Variants in MDN1 observed in about 807,000 individuals in gnomAD.
MDN1 encodes the protein midasin.
MDN1 carries 266 observed loss-of-function variants against 669.2 expected under a neutral mutation model. That is an observed-to-expected ratio of 0.40 (90% CI 0.36 to 0.44). The LOEUF is 0.44. MDN1 is among the 20% of genes least tolerant of loss of function. The pLI is 1.00. For missense variants in MDN1, 5,940 were observed against 6,754.0 expected, an observed-to-expected ratio of 0.88 and a Z score of 4.22; for synonymous variants, 2,385 against 2,457.1, an observed-to-expected ratio of 0.97 and a Z score of 0.87.
Position 89,690,707 on chromosome 6 carries a change from C to G in MDN1, c.10715G>C (p.Arg3572Pro). Reference protein sequence around the residue: ...TALSEEEEEEREFRKQFPLHE... With the variant: ...TALSEEEEEEPEFRKQFPLHE... ...CAGGGGGAACTGTTTTCTGAACTCC[C>G]GTTCTTCCTCCTCCTCTTCACTCAG... is the stretch of plus-strand genomic sequence containing the variant. Residue 3572 changes from arginine (R) to proline (P), a missense_variant, in exon 64 of 102, where the codon CGG (arginine) becomes CCG (proline). Arg to Pro is a moderately radical substitution (Grantham distance 103). Coordinates refer to ENST00000369393, the MANE Select transcript of MDN1 (RefSeq NM_014611.3). The G allele has an allele frequency of 6.2e-7, 1 of 1,614,110 alleles. No homozygotes were observed. Among genetic ancestry groups the G allele is most frequent in the Non-Finnish European group, 8.5e-7 (1 of 1,180,002 alleles).
rs1818367900 is a variant in MDN1 at position 89,776,600 on chromosome 6, CT to C, written c.1820del (p.Lys607ArgfsTer14). ...IGSKLNISRK[K>X]AEFFCQLYKP... ...GGAAGTAAAAAAACAGCACACATAC[CT>C]TTTTTCTAGAAATGTTCAATTTGCT... On this transcript the variant is annotated frameshift_variant and splice_region_variant, in exon 12 of 102. Coordinates refer to ENST00000369393, the MANE Select transcript of MDN1 (RefSeq NM_014611.3). LOFTEE classifies it high-confidence loss of function. The C allele has an allele frequency of 6.2e-7, 1 of 1,604,212 alleles. No homozygotes were observed. Among genetic ancestry groups the C allele is most frequent in the South Asian group, 1.1e-5 (1 of 90,168 alleles).
intron 90 of MDN1, among the ~76,000 whole-genome samples, chr6:89,657,105 TTCA>T (rs1213520529): frequency 6.6e-6 from 1 of 152,230 alleles, no homozygotes; most frequent in Non-Finnish European, 1.5e-5. Context: ...GAAACCAGGC[TTCA>T]TCATCAACCA....
At chr6:89,685,762 G>T in intron 70 of MDN1, 65 bp downstream of exon 70, 1 of 1,560,144 alleles carries the variant, frequency 6.4e-7, no homozygotes, top group Non-Finnish European at 8.7e-7. Context: ...GTCTCATGCA[G>T]AGAATTCAAA....
chr6:89,666,712 A>G (rs1048827032), intron 84 of MDN1, among the ~76,000 whole-genome samples: 9 of 152,160 alleles, frequency 5.9e-5, no homozygotes, highest in Non-Finnish European at 1.2e-4. Flanking sequence ...TCAAGAGGCT[A>G]ATGCAGGAGG....
At chr6:89,798,350 TAA>T (rs1819726617) in intron 2 of MDN1, among the ~76,000 whole-genome samples, 1 of 151,440 alleles carries the variant, frequency 6.6e-6, no homozygotes, top group African/African-American at 2.4e-5. Flanking sequence ...CCGTCTCTAC[TAA>T]AAAGACAAAA....
chr6:89,814,195 C>T lies in MDN1; in HGVS notation c.102+5311G>A, dbSNP rs139178776. On this transcript the variant is annotated intron_variant, in intron 1 of 101. Transcript: ENST00000369393. The stretch of plus-strand genomic sequence containing the variant: ...ACCTGAAACACTAGTTCAGGCCATG[C>T]TGGGAATGGGTGGTCAGACACGCCT... 1.4e-4 allele frequency among the ~76,000 whole-genome samples: 21 copies of T among 152,236 alleles called. No homozygotes were observed. The East Asian group carries it at 4.0e-3, about 29-fold the overall frequency.
chr6:89,719,237 A>T lies in MDN1; in HGVS notation c.5968-12T>A. The T allele has an allele frequency of 6.2e-7, 1 of 1,605,394 alleles. No homozygotes were observed. The highest frequency in any genetic ancestry group is 1.1e-5 in the South Asian group (1 of 90,836). On this transcript the variant is annotated splice_polypyrimidine_tract_variant and intron_variant, in intron 40 of 101. Transcript: ENST00000369393. Reference sequence around the variant, plus strand: ...AATACAGCAATGACCTAAAGGAAGAAGATAATGCAATGAAAACACAAATCA... The same window carrying T: ...AATACAGCAATGACCTAAAGGAAGATGATAATGCAATGAAAACACAAATCA...
In MDN1 at chr6:89,668,376, A is replaced by T. The variant is rs1177155293; in HGVS notation, c.13957-225T>A. ...GACATCAGATTTAACATATGACTTG[A>T]CTTTGTAGAAGCCTCTGGCATGTGG... On this transcript the variant is annotated intron_variant, in intron 83 of 101. Coordinates refer to ENST00000369393, the MANE Select transcript of MDN1 (RefSeq NM_014611.3). Among the ~76,000 whole-genome samples, 4 of 152,198 alleles carry T rather than the reference A, an allele frequency of 2.6e-5. No homozygotes were observed. The East Asian group carries it at 7.7e-4, about 29-fold the overall frequency.
At position 89,794,125 on chromosome 6, in the gene MDN1, C is replaced by T. The variant is rs1277167385; in HGVS notation, c.637G>A (p.Asp213Asn). ...CTCAACCTGAAATGGATCAATTCAT[C>T]ACTATTAAATATCTTCTTAAGAAAT... ...LSFLKKIFNS[D>N]ELIHFRLRLL... is the part of the protein sequence containing the mutation. Residue 213 changes from aspartate to asparagine, a missense_variant, in exon 4 of 102, where the codon GAT (aspartate) becomes AAT (asparagine). By Grantham distance (23) the Asp-to-Asn change is conservative. Coordinates refer to ENST00000369393, the MANE Select transcript of MDN1 (RefSeq NM_014611.3). 1 of 1,595,700 alleles carries T rather than the reference C, an allele frequency of 6.3e-7. No homozygotes were observed. The highest frequency in any genetic ancestry group is 8.5e-7 in the Non-Finnish European group (1 of 1,172,438).
At chr6:89,699,461 T>C in intron 58 of MDN1, 140 bp downstream of exon 58, 11 of 866,046 alleles carry the variant, frequency 1.3e-5, no homozygotes, top group Non-Finnish European at 1.9e-5. Context: ...AATTCTTCCC[T>C]TTAAGAGGCA....
intron 29 of MDN1, among the ~76,000 whole-genome samples, chr6:89,744,043 T>C (rs1816437062): frequency 7.1e-6 from 1 of 140,062 alleles, no homozygotes. Flanking sequence ...GCGGAGGTTG[T>C]GGTGAGCCGA....
intron 33 of MDN1, among the ~76,000 whole-genome samples, chr6:89,737,402 T>C (rs911827266): frequency 1.3e-5 from 2 of 152,080 alleles, no homozygotes; most frequent in African/African-American, 4.8e-5. Flanking sequence ...TTTTTTTATA[T>C]TCTTTAAGAA....
At chr6:89,759,111 G>C in intron 17 of MDN1, 151 bp from the exon 18 acceptor site, 1 of 715,954 alleles carries the variant, frequency 1.4e-6, no homozygotes, top group Non-Finnish European at 2.2e-6. Flanking sequence ...CAGATAGGCA[G>C]AGTTAAGGCC....
chr6:89,728,861 G>T, intron 36 of MDN1, 70 bp downstream of exon 36: 1 of 1,445,228 alleles, frequency 6.9e-7, no homozygotes, highest in Non-Finnish European at 9.6e-7. Flanking sequence ...TTCTGATTAG[G>T]CAAATATAAA....
rs1814382256 is a variant in MDN1 at position 89,716,508 on chromosome 6, G to T, written c.6743+142C>A. ...TTACCACTGTTCACCACAGGGAGAAGTCTACAGAATATGGCTGAGGACGCT... is the reference window on the plus strand; with the variant it reads ...TTACCACTGTTCACCACAGGGAGAATTCTACAGAATATGGCTGAGGACGCT... On this transcript the variant is annotated intron_variant, in intron 44 of 101. Transcript: ENST00000369393. 9 of 784,230 alleles carry T rather than the reference G, an allele frequency of 1.1e-5. No homozygotes were observed. In the South Asian group the frequency reaches 1.8e-4, roughly 15 times the overall value. The allele number at this position is 784,230 out of a possible 1,614,324, so 48.6% of individuals were successfully genotyped here. A position where few individuals can be genotyped will look rare whatever the true frequency, so the allele number is the denominator to read the frequency against.
At position 89,708,594 on chromosome 6, in the gene MDN1, A is replaced by G. The variant is rs781205680; in HGVS notation, c.7800T>C (p.Asn2600=). 5.6e-6 allele frequency: 9 copies of G among 1,614,122 alleles called. No homozygotes were observed. The East Asian group carries it at 1.8e-4, about 32-fold the overall frequency. Residue 2600 remains asparagine, a synonymous_variant, in exon 51 of 102, where the codon AAT becomes AAC. Coordinates refer to ENST00000369393, the MANE Select transcript of MDN1 (RefSeq NM_014611.3). ...EFVIPLDPRW[N]MQALDMIRNL... ...TTCTAATCATGTCCAGAGCCTGCAT[A>G]TTCCATCGGGGATCCAGAGGGATCA...
At chr6:89,791,329 G>T (rs1192263079) in intron 5 of MDN1, among the ~76,000 whole-genome samples, 1 of 152,094 alleles carries the variant, frequency 6.6e-6, no homozygotes, top group African/African-American at 2.4e-5. Flanking sequence ...GGGAAATATG[G>T]ACACTGAGAG....
At chr6:89,818,704 G>C (rs980559108) in intron 1 of MDN1, among the ~76,000 whole-genome samples, 1 of 151,880 alleles carries the variant, frequency 6.6e-6, no homozygotes, top group Non-Finnish European at 1.5e-5. Flanking sequence ...CAGCTACTGA[G>C]AGGGTGAGGC....
Position 89,693,995 on chromosome 6 carries a change from T to A in MDN1, c.9881+79A>T. On this transcript the variant is annotated intron_variant, in intron 62 of 101. Transcript: ENST00000369393. ...GTAGTTTAGAGGTGTATATTATCAC[T>A]TCTACTCACACCATAACTACATTAC... 4 of 1,162,948 alleles carry A rather than the reference T, an allele frequency of 3.4e-6. No individual in the cohort carries two copies. In the South Asian group the frequency reaches 5.0e-5, roughly 15 times the overall value. The allele number at this position is 1,162,948 out of a possible 1,614,324, so 72.0% of individuals were successfully genotyped here. A position where few individuals can be genotyped will look rare whatever the true frequency, so the allele number is the denominator to read the frequency against.
Sources: allele counts gnomAD v4.1 joint callset (sites outside exome capture counted in the v4.1 genomes callset), GRCh38; gene constraint gnomAD v4.1.1; transcripts MANE v1.5; gene names NCBI Gene and HGNC (gene_info 2026-07-23, HGNC 2026-07-21).